Variants in PDXDC1 observed in about 807,000 individuals in gnomAD.
PDXDC1 encodes the protein pyridoxal dependent decarboxylase domain containing 1.
In PDXDC1, 42 loss-of-function variants were observed where a neutral mutation model predicts 100.1. That is an observed-to-expected ratio of 0.42 (90% CI 0.33 to 0.54). The LOEUF (loss-of-function observed/expected upper bound fraction) is 0.54, where lower values mean the gene tolerates loss of function less well. Ranked by LOEUF, PDXDC1 falls within the 20% of genes least tolerant of loss-of-function variation. PDXDC1 has a pLI of 0.10. For synonymous variants in PDXDC1, 260 were observed against 371.7 expected (o/e 0.70, Z 3.46); for missense variants, 636 against 979.2 (o/e 0.65, Z 4.68).
At chr16:14,994,685 T>C (rs1208591128) in intron 1 of PDXDC1, among the ~76,000 whole-genome samples, 2 of 152,294 alleles carry the variant, frequency 1.3e-5, no homozygotes, top group East Asian at 3.8e-4. Flanking sequence ...AGAAAGTCAT[T>C]GGTAGGTTGA....
intron 1 of PDXDC1, among the ~76,000 whole-genome samples, chr16:14,982,109 T>C (rs1393034831): frequency 6.6e-6 from 1 of 152,296 alleles, no homozygotes; most frequent in Non-Finnish European, 1.5e-5. Context: ...TTCTTTCCTA[T>C]TTTCTGCCTA....
At chr16:15,142,972 T>C (rs1272049910), downstream of PDXDC1, among the ~76,000 whole-genome samples, 4 of 152,100 alleles carry the variant, frequency 2.6e-5, no homozygotes, top group Non-Finnish European at 5.9e-5. Flanking sequence ...TCACCCCAGT[T>C]CCTGCTATAA....
At chr16:15,070,598 G>C (rs956135319) in intron 16 of PDXDC1, among the ~76,000 whole-genome samples, 1 of 152,120 alleles carries the variant, frequency 6.6e-6, no homozygotes, top group Non-Finnish European at 1.5e-5. Flanking sequence ...CCTCTCAAGA[G>C]AAAGACAGTC....
intron 11 of PDXDC1, among the ~76,000 whole-genome samples, chr16:15,018,385 G>A (rs1391131013): frequency 9.8e-5 from 15 of 152,350 alleles, no homozygotes; most frequent in Middle Eastern, 3.4e-3. Context: ...CTGCAGCCTG[G>A]GCGACAGAAT....
intron 8 of PDXDC1, among the ~76,000 whole-genome samples, chr16:15,013,359 G>GA (rs779875897): frequency 5.6e-4 from 76 of 136,912 alleles, no homozygotes; most frequent in Middle Eastern, 3.8e-3. Flanking sequence ...AAAAAAAAAA[G>GA]AAAAAAAAAA....
chr16:15,145,515 G>A, the PDXDC1 span, among the ~76,000 whole-genome samples: 1 of 152,254 alleles, frequency 6.6e-6, no homozygotes, highest in African/African-American at 2.4e-5. Flanking sequence ...CCTGACAGAA[G>A]CCAGCCTGTC....
chr16:15,093,686 G>T (rs571014265), intron 16 of PDXDC1, among the ~76,000 whole-genome samples: 1 of 152,276 alleles, frequency 6.6e-6, no homozygotes, highest in South Asian at 2.1e-4. Flanking sequence ...CGGGGGTTAG[G>T]GATTTTAAAA....
intron 16 of PDXDC1, among the ~76,000 whole-genome samples, chr16:15,089,946 C>T (rs1166950712): frequency 6.6e-6 from 1 of 151,810 alleles, no homozygotes; most frequent in African/African-American, 2.4e-5. Flanking sequence ...CAGTGGCTCA[C>T]ACTTGTAATC....
chr16:15,036,543 C>T lies in PDXDC1; in HGVS notation c.*268C>T, dbSNP rs879611563. The T allele has an allele frequency of 5.5e-5, 27 of 491,602 alleles. No individual in the cohort carries two copies. Among genetic ancestry groups the T allele is most frequent in the South Asian group, 3.3e-4 (11 of 33,616 alleles). 30.5% of individuals were successfully genotyped at this position (491,602 alleles called of 1,614,324 possible). On this transcript the variant is annotated 3_prime_UTR_variant, in exon 23 of 23. Transcript: ENST00000396410. ...CACATTTTATTCACAAAAAACACTT[C>T]GAATTTCAAGTGTCTACCAGTAGCA...
chr16:15,015,966 T>C (rs2041762340), intron 8 of PDXDC1, 163 bp from the exon 9 acceptor site: 1 of 1,370,470 alleles, frequency 7.3e-7, no homozygotes, highest in Non-Finnish European at 9.8e-7. Flanking sequence ...ATAAGTCAAC[T>C]CACAAACACT....
At chr16:15,135,167 A>AACAG in intron 16 of PDXDC1, 2 of 859,418 alleles carry the variant, frequency 2.3e-6, no homozygotes, top group Non-Finnish European at 3.8e-6. Flanking sequence ...TTGCATCAGA[A>AACAG]ACAGAGAGGG....
chr16:15,066,298 A>C (rs965950130), intron 16 of PDXDC1, among the ~76,000 whole-genome samples: 4 of 152,260 alleles, frequency 2.6e-5, no homozygotes, highest in African/African-American at 9.6e-5. Context: ...GTGACAAGGA[A>C]GCATGTGCCC....
At position 15,065,431 on chromosome 16, in the gene PDXDC1, G is replaced by A. The variant is rs1041260048; in HGVS notation, c.1399+35375G>A. 6 of 1,481,530 alleles carry A rather than the reference G, an allele frequency of 4.0e-6. No individual in the cohort carries two copies. The African/African-American group carries it at 8.4e-5, about 21-fold the overall frequency. 91.8% of individuals were successfully genotyped at this position (1,481,530 alleles called of 1,614,324 possible). On this transcript the variant is annotated intron_variant, in intron 16 of 16. Transcript: ENST00000535621. ...TAACATGCTGGAGTGACTCGGTGCAGATGTGAGCTGCGTGTGACAACTGTA... is the reference window on the plus strand; with the variant it reads ...TAACATGCTGGAGTGACTCGGTGCAAATGTGAGCTGCGTGTGACAACTGTA...
At chr16:15,000,850 T>C (rs1287163145) in intron 3 of PDXDC1, among the ~76,000 whole-genome samples, 10 of 150,630 alleles carry the variant, frequency 6.6e-5, no homozygotes, top group African/African-American at 2.4e-4. Context: ...ATTGGAGTGT[T>C]CTGTGACTGT....
chr16:14,989,891 C>T (rs1970336549), intron 1 of PDXDC1: 12 of 1,547,112 alleles, frequency 7.8e-6, no homozygotes, highest in Non-Finnish European at 8.6e-6. Flanking sequence ...CCACCAGGGC[C>T]GGCACTCCAG....
At chr16:15,056,549 G>A (rs548315861) in intron 16 of PDXDC1, among the ~76,000 whole-genome samples, 12 of 152,304 alleles carry the variant, frequency 7.9e-5, no homozygotes, top group African/African-American at 2.4e-4. Flanking sequence ...GCCGAGGCAG[G>A]AGGATCGCTT....
chr16:15,082,570 G>A (rs1199056550), intron 16 of PDXDC1, among the ~76,000 whole-genome samples: 1 of 152,066 alleles, frequency 6.6e-6, no homozygotes, highest in East Asian at 1.9e-4. Flanking sequence ...CTACTCGGGA[G>A]GCTGAGGTGG....
At chr16:15,080,019 A>T in intron 16 of PDXDC1, 2 of 1,598,274 alleles carry the variant, frequency 1.3e-6, no homozygotes, top group Non-Finnish European at 1.7e-6. Flanking sequence ...GTAGTTTTTC[A>T]ATAATAAGCT....
At chr16:15,094,459 G>A (rs1298641816) in intron 16 of PDXDC1, 10 of 578,974 alleles carry the variant, frequency 1.7e-5, no homozygotes, top group African/African-American at 1.5e-4. Flanking sequence ...TATAAGGAGA[G>A]ACGGGAAGGA....
Sources: allele counts gnomAD v4.1 joint callset (sites outside exome capture counted in the v4.1 genomes callset), GRCh38; gene constraint gnomAD v4.1.1; transcripts MANE v1.5; gene names NCBI Gene and HGNC (gene_info 2026-07-23, HGNC 2026-07-21).